Variants in KIF1B observed in about 807,000 individuals in gnomAD.
KIF1B encodes the protein kinesin family member 1B.
A neutral mutation model predicts 241.9 loss-of-function variants in KIF1B; 76 were observed. That is an observed-to-expected ratio of 0.31 (90% CI 0.26 to 0.38). The LOEUF is 0.38. KIF1B is among the 10% of genes least tolerant of loss of function. The probability of loss-of-function intolerance (pLI) is 1.00; values close to 1 mark genes in which losing one functional copy is unlikely to be tolerated. For missense variants in KIF1B, 1,622 were observed against 2,271.4 expected (o/e 0.71, Z 5.81); for synonymous variants, 750 against 796.7 (o/e 0.94, Z 0.99).
chr1:10,374,536 C>G lies in KIF1B; in HGVS notation c.5096+71C>G. On this transcript the variant is annotated intron_variant, in intron 46 of 48. Coordinates refer to ENST00000676179, the MANE Select transcript of KIF1B (RefSeq NM_001365951.3). The surrounding 1 kb of genome is among the most constrained non-coding windows in gnomAD (Gnocchi z 4.3). ...CACAGGAAGAAGTGACTGGCCAGCT[C>G]TTCCCTGTGAGGTCTGTACTGTAGT... The G allele has an allele frequency of 6.5e-7, 1 of 1,528,880 alleles. No individual in the cohort carries two copies. The highest frequency in any genetic ancestry group is 9.1e-7 in the Non-Finnish European group (1 of 1,104,812). The allele number at this position is 1,528,880 out of a possible 1,614,324, so 94.7% of individuals were successfully genotyped here.
intron 2 of KIF1B, among the ~76,000 whole-genome samples, chr1:10,242,617 A>G (rs1647153044): frequency 6.6e-6 from 1 of 152,072 alleles, no homozygotes; most frequent in Admixed American, 6.6e-5. Flanking sequence ...CCTGGGTTCA[A>G]ACAATTCTCC....
At position 10,370,834 on chromosome 1, in the gene KIF1B, G is replaced by A. The variant is rs553083444; in HGVS notation, c.4825-307G>A. ...ATTTTCACCAGTTGTGGTGGTACAC[G>A]CTTGTAGTCCCAGGTACTCAGGAAG... is the stretch of plus-strand genomic sequence containing the variant. On this transcript the variant is annotated intron_variant, in intron 44 of 48. Coordinates refer to ENST00000676179, the MANE Select transcript of KIF1B (RefSeq NM_001365951.3). 1.1e-3 allele frequency among the ~76,000 whole-genome samples: 162 copies of A among 151,796 alleles called. 4 individuals are homozygous for A. In the South Asian group the frequency reaches 0.019, roughly 17 times the overall value.
chr1:10,282,403 C>A lies in KIF1B; in HGVS notation c.1304C>A (p.Ser435Tyr). The A allele has an allele frequency of 3.1e-6, 5 of 1,614,186 alleles. No homozygotes were observed. Among genetic ancestry groups the A allele is most frequent in the Non-Finnish European group, 4.2e-6 (5 of 1,180,008 alleles). The change falls in exon 15 of 49, where the codon TCC becomes TAC. Residue 435 changes from serine to tyrosine, a missense_variant. By Grantham distance (144) the Ser-to-Tyr change is moderately radical. Around this residue, in one of 7 missense-constraint regions of KIF1B, gnomAD observed 201 missense variants for 301.2 expected, o/e 0.67. Transcript: ENST00000676179. ...CGCCCTGGCCATTTTTCCACAGCAT[C>A]CATGGGGTCCCTCACTTCATCCCCA... Reference protein sequence around the residue: ...NQRPGHFSTASMGSLTSSPSS... With the variant: ...NQRPGHFSTAYMGSLTSSPSS...
intron 48 of KIF1B, among the ~76,000 whole-genome samples, chr1:10,375,688 A>C (rs187508423): frequency 6.6e-6 from 1 of 151,476 alleles, no homozygotes; most frequent in Non-Finnish European, 1.5e-5. Context: ...CCCAGCCTAG[A>C]AGTTGTTCTG....
chr1:10,365,262 T>C lies in KIF1B; in HGVS notation c.4512+17T>C. ...CTACATGAGGTATCCAGGGGCAGGGTTGTTCAGATGCAAGAACTCTCGGAC... is the reference window on the plus strand; with the variant it reads ...CTACATGAGGTATCCAGGGGCAGGGCTGTTCAGATGCAAGAACTCTCGGAC... On this transcript the variant is annotated intron_variant, in intron 42 of 48. Transcript: ENST00000676179. The surrounding 1 kb of genome is among the most constrained non-coding windows in gnomAD (Gnocchi z 4.0). The C allele has an allele frequency of 6.2e-7, 1 of 1,613,748 alleles. No individual in the cohort carries two copies. The highest frequency in any genetic ancestry group is 1.1e-5 in the South Asian group (1 of 91,052).
At chr1:10,278,266 T>C (rs1448046357) in intron 13 of KIF1B, 138 bp downstream of exon 13, 1 of 937,554 alleles carries the variant, frequency 1.1e-6, no homozygotes, top group Admixed American at 2.6e-5. Context: ...TTGTTTTGTT[T>C]TGTTTTCTTT....
chr1:10,303,776 A>G lies in KIF1B; in HGVS notation c.2115+6530A>G, dbSNP rs1650668866. The G allele has an allele frequency of 6.2e-7, 1 of 1,614,252 alleles. No individual in the cohort carries two copies. Among genetic ancestry groups the G allele is most frequent in the East Asian group, 2.2e-5 (1 of 44,888 alleles). ...AAAGTCTTGCCACTGATCGGATCTC[A>G]GGAACAGAAAAGCCCAGGAAGCCAC... On this transcript the variant is annotated intron_variant, in intron 22 of 48. Transcript: ENST00000676179. The surrounding 1 kb of genome is among the most constrained non-coding windows in gnomAD (Gnocchi z 5.2).
chr1:10,259,234 A>G (rs1045111630), intron 4 of KIF1B, among the ~76,000 whole-genome samples: 1 of 150,330 alleles, frequency 6.7e-6, no homozygotes, highest in African/African-American at 2.4e-5. Flanking sequence ...TCTGACATAG[A>G]TATTTATTTA....
At chr1:10,356,599 T>TAAAAAAAAAAA (rs368122273) in intron 38 of KIF1B, among the ~76,000 whole-genome samples, 3,767 of 148,152 alleles carry the variant, frequency 0.025, 50 homozygotes, top group African/African-American at 0.032. Context: ...GCAGATGCTT[T>TAAAAAAAAAAA]AAAAAAAGAA....
At chr1:10,344,418 A>G (rs1322989672) in intron 34 of KIF1B, among the ~76,000 whole-genome samples, 1 of 152,218 alleles carries the variant, frequency 6.6e-6, no homozygotes, top group Non-Finnish European at 1.5e-5. Context: ...AGAGCTCAGC[A>G]CATTTTCAAG....
chr1:10,284,096 G>A (rs536612862), intron 15 of KIF1B, among the ~76,000 whole-genome samples: 2 of 152,138 alleles, frequency 1.3e-5, no homozygotes, highest in Non-Finnish European at 2.9e-5. Flanking sequence ...AGTGTGGGCC[G>A]GGCATGGTGG....
intron 2 of KIF1B, among the ~76,000 whole-genome samples, chr1:10,246,506 G>A (rs1316415240): frequency 6.6e-6 from 1 of 152,214 alleles, no homozygotes; most frequent in Non-Finnish European, 1.5e-5. Flanking sequence ...AGCACTTTGG[G>A]AGGCCGAGGT....
chr1:10,310,017 T>C (rs910433089), intron 22 of KIF1B, among the ~76,000 whole-genome samples: 1 of 151,546 alleles, frequency 6.6e-6, no homozygotes, highest in African/African-American at 2.4e-5. Context: ...CTCAGCTCTT[T>C]CTGCCCAGCC....
Position 10,320,359 on chromosome 1 carries a change from C to T in KIF1B, c.2209+223C>T, listed in dbSNP as rs957895169. Among the ~76,000 whole-genome samples, 34 of 152,052 alleles carry T rather than the reference C, an allele frequency of 2.2e-4. 1 individual carries two copies. Among genetic ancestry groups the T allele is most frequent in the South Asian group, 1.5e-3 (7 of 4,822 alleles). On this transcript the variant is annotated intron_variant, in intron 23 of 48. Coordinates refer to ENST00000676179, the MANE Select transcript of KIF1B (RefSeq NM_001365951.3). ...GGGAGTGATGGTGTTCTTAGACCTT[C>T]GCACGGTTTCTGAGCACGTTCATTT...
At chr1:10,319,307 G>A (rs1300788247) in intron 22 of KIF1B, among the ~76,000 whole-genome samples, 1 of 152,038 alleles carries the variant, frequency 6.6e-6, no homozygotes, top group Non-Finnish European at 1.5e-5. Context: ...TCTCCATGTT[G>A]GTCAGGCTGG....
At chr1:10,227,330 G>A (rs184923792) in intron 1 of KIF1B, among the ~76,000 whole-genome samples, 1 of 152,212 alleles carries the variant, frequency 6.6e-6, no homozygotes, top group East Asian at 1.9e-4. Context: ...ACCGTGCCTG[G>A]CCCACAAGCC....
chr1:10,261,704 C>G (rs979714866), intron 4 of KIF1B, among the ~76,000 whole-genome samples: 5 of 152,198 alleles, frequency 3.3e-5, no homozygotes, highest in African/African-American at 9.7e-5. Flanking sequence ...ATCATATATG[C>G]AGTCCATCGT....
At chr1:10,332,816 CTT>C (rs1282004408) in intron 27 of KIF1B, among the ~76,000 whole-genome samples, 9 of 111,558 alleles carry the variant, frequency 8.1e-5, no homozygotes, top group Middle Eastern at 8.5e-3. Context: ...CGCCTGGCCT[CTT>C]TTTTTTTTTT....
rs748803453 is a variant in KIF1B at position 10,326,003 on chromosome 1, G to T, written c.2676-108G>T. On this transcript the variant is annotated intron_variant, in intron 26 of 48. Coordinates refer to ENST00000676179, the MANE Select transcript of KIF1B (RefSeq NM_001365951.3). The surrounding 1 kb of genome is among the most constrained non-coding windows in gnomAD (Gnocchi z 5.2). Reference sequence around the variant, plus strand: ...TTTTGCTTTTCCATTTGCTTTTATTGTGTTGATTCCCCAGTGGATTCTGTC... The same window carrying T: ...TTTTGCTTTTCCATTTGCTTTTATTTTGTTGATTCCCCAGTGGATTCTGTC... 1 of 1,410,206 alleles carries T rather than the reference G, an allele frequency of 7.1e-7. No individual in the cohort carries two copies. The allele number at this position is 1,410,206 out of a possible 1,614,324, so 87.4% of individuals were successfully genotyped here.
Sources: allele counts gnomAD v4.1 joint callset (sites outside exome capture counted in the v4.1 genomes callset), GRCh38; gene constraint gnomAD v4.1.1; regional missense constraint gnomAD v4.1.1; non-coding constraint Gnocchi (gnomAD v3.1); transcripts MANE v1.5; gene names NCBI Gene and HGNC (gene_info 2026-07-23, HGNC 2026-07-21).